DOCK9: variants seen among roughly 807,000 people sequenced by gnomAD.
DOCK9 encodes the protein dedicator of cytokinesis protein 9.
Under a neutral mutation model 263.3 loss-of-function variants are expected in DOCK9, and 89 were observed. The ratio of observed to expected loss-of-function variants is 0.34; its 90% CI spans 0.28 to 0.40. The LOEUF (loss-of-function observed/expected upper bound fraction) is 0.40. Among genes scored for constraint, DOCK9 ranks in the 10% least tolerant of loss-of-function variants. The probability of loss-of-function intolerance (pLI) is 1.00; values close to 1 mark genes in which losing one functional copy is unlikely to be tolerated. For missense variants in DOCK9, 2,140 were observed against 2,603.4 expected, an observed-to-expected ratio of 0.82 and a Z score of 3.87; for synonymous variants, 976 against 973.1, an observed-to-expected ratio of 1.00 and a Z score of -0.06.
intron 27 of DOCK9, 47 bp downstream of exon 27, chr13:98,879,851 G>T: frequency 6.7e-7 from 1 of 1,498,352 alleles, no homozygotes; most frequent in Non-Finnish European, 9.1e-7. Context: ...CAATGAAAGA[G>T]ATTTCTTTTC....
Position 99,086,163 on chromosome 13 carries a change from G to A in DOCK9, c.129+60C>T. The A allele has an allele frequency of 1.4e-6, 2 of 1,420,516 alleles. 1 individual carries two copies. The highest frequency in any genetic ancestry group is 2.8e-5 in the South Asian group (2 of 70,724). 88.0% of individuals were successfully genotyped at this position (1,420,516 alleles called of 1,614,324 possible). A position where few individuals can be genotyped will look rare whatever the true frequency, so the allele number is the denominator to read the frequency against. On this transcript the variant is annotated intron_variant, in intron 1 of 32. Coordinates refer to the DOCK9 transcript ENST00000427887. ...GCCGACTAAGAGGCGCCCGGCCCGGGGCCCGCAGCTGCCTGCGCCCCCGCC... is the reference window on the plus strand; with the variant it reads ...GCCGACTAAGAGGCGCCCGGCCCGGAGCCCGCAGCTGCCTGCGCCCCCGCC...
intron 2 of DOCK9, 60 bp from the exon 3 acceptor site, chr13:98,930,317 A>C: frequency 7.0e-7 from 1 of 1,435,242 alleles, no homozygotes. Context: ...TGCCAGCCTC[A>C]GAGTGCAGCT....
chr13:98,833,019 A>G (rs2092826053), intron 39 of DOCK9: 1 of 152,096 alleles, frequency 6.6e-6, no homozygotes, highest in African/African-American at 2.4e-5. Flanking sequence ...TTGTGAATCT[A>G]TCACAGCTGG....
intron 1 of DOCK9, among the ~76,000 whole-genome samples, chr13:99,070,831 T>G (rs745635010): frequency 1.3e-5 from 2 of 152,240 alleles, no homozygotes; most frequent in Non-Finnish European, 2.9e-5. Flanking sequence ...ATTTCTATGT[T>G]TAGAACTGAG....
At chr13:99,072,072 C>T (rs1002267355) in intron 1 of DOCK9, among the ~76,000 whole-genome samples, 1 of 152,212 alleles carries the variant, frequency 6.6e-6, no homozygotes, top group East Asian at 1.9e-4. Context: ...ATCTCTTTCA[C>T]GGTTTCCTTG....
chr13:98,887,139 ATATATTTTTTT>A lies in DOCK9; in HGVS notation c.2044-526_2044-516del, dbSNP rs1228792285. On this transcript the variant is annotated intron_variant, in intron 18 of 52. Transcript: ENST00000682017. ...GATACTATATTTTATATATATATAT[ATATATTTTTTT>A]TTTTTTTTTTTTTTTTTGCATCTTT... Among the ~76,000 whole-genome samples, 340 of 48,722 alleles carry A rather than the reference ATATATTTTTTT, an allele frequency of 7.0e-3. 4 individuals carry two copies. The highest frequency in any genetic ancestry group is 9.4e-3 in the Non-Finnish European group (243 of 25,872). The allele number at this position is 48,722 out of a possible 152,430, so 32.0% of individuals were successfully genotyped here.
At chr13:99,050,252 T>A (rs2040622845) in intron 1 of DOCK9, among the ~76,000 whole-genome samples, 1 of 152,188 alleles carries the variant, frequency 6.6e-6, no homozygotes, top group East Asian at 1.9e-4. Context: ...GTACCTAGAG[T>A]TCATTCCATA....
intron 1 of DOCK9, among the ~76,000 whole-genome samples, chr13:99,082,292 C>G (rs530590339): frequency 6.6e-6 from 1 of 151,552 alleles, no homozygotes; most frequent in Non-Finnish European, 1.5e-5. Context: ...CCGAGGTGGG[C>G]GGATCACCTG....
rs1191580438 is a variant in DOCK9, at chr13:98,898,643, T to A, written c.1504-382A>T. Reference sequence around the variant, plus strand: ...TCCATATCAAAATATATCACATTATTAGGATTGAAATGAGAACACTAATTA... The same window carrying A: ...TCCATATCAAAATATATCACATTATAAGGATTGAAATGAGAACACTAATTA... On this transcript the variant is annotated intron_variant, in intron 13 of 52. Transcript: ENST00000682017. Among the ~76,000 whole-genome samples, 3 of 152,336 alleles carry A rather than the reference T, an allele frequency of 2.0e-5. No homozygotes were observed. The East Asian group carries it at 5.8e-4, about 29-fold the overall frequency.
intron 1 of DOCK9, among the ~76,000 whole-genome samples, chr13:98,966,189 G>A (rs749541328): frequency 1.2e-4 from 18 of 152,226 alleles, no homozygotes; most frequent in Non-Finnish European, 2.1e-4. Context: ...TCCTGTGCCC[G>A]GGGAGTCACA....
chr13:98,938,838 A>T (rs2055335928), intron 2 of DOCK9, among the ~76,000 whole-genome samples: 2 of 152,220 alleles, frequency 1.3e-5, no homozygotes, highest in Non-Finnish European at 2.9e-5. Flanking sequence ...TAATTAAAAG[A>T]CCAACAATAG....
intron 13 of DOCK9, among the ~76,000 whole-genome samples, chr13:98,899,708 GT>G (rs1308530071): frequency 6.6e-6 from 1 of 152,210 alleles, no homozygotes; most frequent in Non-Finnish European, 1.5e-5. Context: ...ATGTTGTGGA[GT>G]AAAATGCAGT....
At position 98,975,310 on chromosome 13, in the gene DOCK9, C is replaced by T. The variant is rs569005116; in HGVS notation, c.126+2474G>A. Among the ~76,000 whole-genome samples the T allele has an allele frequency of 4.0e-5, 6 of 149,862 alleles. No individual in the cohort carries two copies. In the South Asian group the frequency reaches 1.1e-3, roughly 27 times the overall value. Reference sequence around the variant, plus strand: ...CCAGGAGACGGAGGTTGCAGTGGGCCGAGATCGTACCACTGCACTGCAACC... The same window carrying T: ...CCAGGAGACGGAGGTTGCAGTGGGCTGAGATCGTACCACTGCACTGCAACC... On this transcript the variant is annotated intron_variant, in intron 1 of 52. Coordinates refer to ENST00000682017, the MANE Select transcript of DOCK9 (RefSeq NM_001366683.2).
intron 32 of DOCK9, 145 bp from the exon 33 acceptor site, chr13:98,860,667 C>A (rs2093837627): frequency 7.7e-6 from 2 of 259,778 alleles, no homozygotes; most frequent in Non-Finnish European, 1.2e-5. Flanking sequence ...AGCCTTGAGG[C>A]GTGGGTGAGG....
At chr13:98,802,360 C>T (rs1403106505) in intron 49 of DOCK9, among the ~76,000 whole-genome samples, 2 of 152,148 alleles carry the variant, frequency 1.3e-5, no homozygotes, top group Non-Finnish European at 1.5e-5. Context: ...GCATTACTGC[C>T]CAAATGGCTG....
At chr13:98,828,954 C>T (rs1358465636) in intron 43 of DOCK9, among the ~76,000 whole-genome samples, 1 of 152,150 alleles carries the variant, frequency 6.6e-6, no homozygotes, top group Non-Finnish European at 1.5e-5. Flanking sequence ...GAAAGCAACA[C>T]CTGTCATTAC....
chr13:98,995,320 T>C (rs1255963709), intron 1 of DOCK9, among the ~76,000 whole-genome samples: 1 of 152,166 alleles, frequency 6.6e-6, no homozygotes, highest in East Asian at 1.9e-4. Flanking sequence ...GGAGATGTGC[T>C]GACCAGGCTT....
chr13:99,087,621 C>T (rs1277479223), upstream of DOCK9, among the ~76,000 whole-genome samples: 2 of 152,150 alleles, frequency 1.3e-5, no homozygotes, highest in Admixed American at 1.3e-4. Flanking sequence ...GCCCCGGCTC[C>T]GTTTCTGTCT....
At chr13:98,913,316 G>A (rs1242004926) in intron 9 of DOCK9, among the ~76,000 whole-genome samples, 1 of 152,132 alleles carries the variant, frequency 6.6e-6, no homozygotes, top group Non-Finnish European at 1.5e-5. Context: ...GAGTAAGAGT[G>A]CAAAGGGCTA....
Sources: gnomAD v4.1 joint callset for allele counts (sites outside exome capture counted in the v4.1 genomes callset) on GRCh38, gnomAD v4.1.1 for gene constraint, MANE v1.5 for transcripts, NCBI Gene and HGNC (gene_info 2026-07-23, HGNC 2026-07-21) for gene names.